The following MAPT variants were observed in gnomAD, a reference collection of about 807,000 sequenced individuals.
The protein encoded by MAPT is microtubule-associated protein tau.
A neutral mutation model predicts 67.9 loss-of-function variants in MAPT; 34 were observed. The observed-to-expected ratio is 0.50, with a 90% CI of 0.38 to 0.67. The LOEUF is 0.67. MAPT is among the 30% of genes least tolerant of loss of function. The probability of loss-of-function intolerance (pLI) is 0.00; values close to 1 mark genes in which losing one functional copy is unlikely to be tolerated. For missense variants in MAPT, 881 were observed against 1,115.2 expected (o/e 0.79, Z 2.99); for synonymous variants, 456 against 464.5 (o/e 0.98, Z 0.23).
rs1490207539 is a variant in MAPT, at chr17:45,995,641, G to A, written c.1733-758G>A. The stretch of plus-strand genomic sequence containing the variant: ...GAAGAGACCCCCCAGCAGCTTCCAG[G>A]GTGTTGGAAGGGTGCGCTAGTAACT... On this transcript the variant is annotated intron_variant, in intron 8 of 12. Transcript: ENST00000262410. The surrounding 1 kb of genome is among the most constrained non-coding windows in gnomAD (Gnocchi z 4.3). Among the ~76,000 whole-genome samples, 1 of 152,168 alleles carries A rather than the reference G, an allele frequency of 6.6e-6. No individual in the cohort carries two copies. Among genetic ancestry groups the A allele is most frequent in the Non-Finnish European group, 1.5e-5 (1 of 68,026 alleles).
intron 1 of MAPT, among the ~76,000 whole-genome samples, chr17:45,948,921 A>G (rs566521993): frequency 6.6e-6 from 1 of 152,298 alleles, no homozygotes; most frequent in African/African-American, 2.4e-5. Context: ...TGTTAAGGTT[A>G]TTTTTGGATT....
chr17:45,955,231 G>A (rs56080482), intron 1 of MAPT, among the ~76,000 whole-genome samples: 21,808 of 152,066 alleles, frequency 0.14, 2,140 homozygotes, highest in Non-Finnish European at 0.22. Context: ...TTTCCCAACC[G>A]TCCAAGCCCA....
At position 45,986,981 on chromosome 17, in the gene MAPT, G is replaced by A. The variant is rs546722180; in HGVS notation, c.1352-59G>A. The A allele has an allele frequency of 1.8e-5, 27 of 1,482,852 alleles. No homozygotes were observed. The South Asian group carries it at 2.9e-4, about 16-fold the overall frequency. The allele number at this position is 1,482,852 out of a possible 1,614,324, so 91.9% of individuals were successfully genotyped here. The stretch of plus-strand genomic sequence containing the variant: ...GAGAAATCCAGCTTCACCACAGCTG[G>A]CTTTCTGTGAACAGTGAAAATGGAG... On this transcript the variant is annotated intron_variant, in intron 5 of 12. Coordinates refer to ENST00000262410, the MANE Select transcript of MAPT (RefSeq NM_001377265.1).
chr17:46,021,316 C>T (rs538986032), intron 12 of MAPT, among the ~76,000 whole-genome samples: 1 of 152,284 alleles, frequency 6.6e-6, no homozygotes, highest in East Asian at 1.9e-4. Context: ...GGAGGCTGTC[C>T]GCCTCAAGAG....
chr17:45,995,696 T>G lies in MAPT; in HGVS notation c.1733-703T>G, dbSNP rs62063849. Among the ~76,000 whole-genome samples the G allele has an allele frequency of 0.15, 22,156 of 152,088 alleles. 2,150 individuals are homozygous for G. The highest frequency in any genetic ancestry group is 0.22 in the Non-Finnish European group (14,745 of 67,956). On this transcript the variant is annotated intron_variant, in intron 8 of 12. Transcript: ENST00000262410. The surrounding 1 kb of genome is among the most constrained non-coding windows in gnomAD (Gnocchi z 4.3). Reference sequence around the variant, plus strand: ...TGCATGGCAGGTGGGGAACTGTACGTCAGGGCACAGCAGCATGAAGCGGTA... The same window carrying G: ...TGCATGGCAGGTGGGGAACTGTACGGCAGGGCACAGCAGCATGAAGCGGTA...
At position 45,902,917 on chromosome 17, in the gene MAPT, C is replaced by T. The variant is rs138255206; in HGVS notation, c.-18+8231C>T. Among the ~76,000 whole-genome samples the T allele has an allele frequency of 4.5e-3, 681 of 152,310 alleles. 4 individuals carry two copies. Among genetic ancestry groups the T allele is most frequent in the South Asian group, 0.014 (69 of 4,834 alleles). On this transcript the variant is annotated intron_variant, in intron 1 of 12. Coordinates refer to ENST00000262410, the MANE Select transcript of MAPT (RefSeq NM_001377265.1). Reference sequence around the variant, plus strand: ...TCAAAGAGAAGAGGGACATAATTATCTCTAGTCCCAGCTGCTGGTTTTCCT... The same window carrying T: ...TCAAAGAGAAGAGGGACATAATTATTTCTAGTCCCAGCTGCTGGTTTTCCT...
intron 4 of MAPT, among the ~76,000 whole-genome samples, chr17:45,982,063 G>A (rs377594348): frequency 6.6e-6 from 1 of 150,552 alleles, no homozygotes; most frequent in East Asian, 1.9e-4. Context: ...AAAAACTCAT[G>A]CCTGTAATCC....
rs1444650997 is a variant in MAPT, at chr17:45,978,437, C to G, written c.283C>G (p.Gln95Glu). 26 of 1,604,824 alleles carry G rather than the reference C, an allele frequency of 1.6e-5. No individual in the cohort carries two copies. Among genetic ancestry groups the G allele is most frequent in the Non-Finnish European group, 2.1e-5 (25 of 1,174,384 alleles). ...AGACGAAGCTGCTGGTCACGTGACC[C>G]AAGGTCAGTGAACTGGAATTGCCTG... ...LEDEAAGHVT[Q>E]EELRVPGRQR... Residue 95 changes from glutamine to glutamate, a missense_variant, in exon 4 of 13, where the codon CAA becomes GAA. Gln to Glu is a conservative substitution (Grantham distance 29). This residue lies in a region of MAPT where 687 missense variants were observed against 766.1 expected (regional missense o/e 0.90). Coordinates refer to ENST00000262410, the MANE Select transcript of MAPT (RefSeq NM_001377265.1).
intron 9 of MAPT, among the ~76,000 whole-genome samples, chr17:45,998,432 A>C (rs1394030631): frequency 6.6e-6 from 1 of 152,190 alleles, no homozygotes; most frequent in Non-Finnish European, 1.5e-5. Context: ...GCTGTGCCCC[A>C]GAGCACCTCC....
chr17:46,014,905 C>T (rs768360806), intron 11 of MAPT, among the ~76,000 whole-genome samples: 2 of 139,610 alleles, frequency 1.4e-5, no homozygotes, highest in African/African-American at 2.5e-5. Flanking sequence ...CACATGTTCT[C>T]GCTTCTTTGT....
intron 1 of MAPT, among the ~76,000 whole-genome samples, chr17:45,938,975 G>A (rs62061726): frequency 0.14 from 21,840 of 151,878 alleles, 2,139 homozygotes; most frequent in Middle Eastern, 0.22. Flanking sequence ...CACCACGCCC[G>A]ACTAATTTTT....
rs1417149898 is a variant in MAPT at position 45,970,496 on chromosome 17, G to C, written c.134-1363G>C. 4.6e-5 allele frequency among the ~76,000 whole-genome samples: 7 copies of C among 152,358 alleles called. No individual in the cohort carries two copies. The East Asian group carries it at 1.3e-3, about 29-fold the overall frequency. On this transcript the variant is annotated intron_variant, in intron 2 of 12. Transcript: ENST00000262410. ...CAGCCCAGGTGGGGCAGAACTGAAG[G>C]GAAGCCCAGGGCTGCCCCCATAAAC...
intron 1 of MAPT, among the ~76,000 whole-genome samples, chr17:45,957,558 G>A (rs1020558200): frequency 6.6e-6 from 1 of 152,154 alleles, no homozygotes; most frequent in African/African-American, 2.4e-5. Context: ...CATGATTGGT[G>A]CCCCAGCCAC....
chr17:45,900,701 A>G (rs2063556419), intron 1 of MAPT, among the ~76,000 whole-genome samples: 1 of 152,180 alleles, frequency 6.6e-6, no homozygotes, highest in South Asian at 2.1e-4. Flanking sequence ...ATGTGGAGGC[A>G]GTTTGGCCTA....
chr17:46,024,524 G>A lies in MAPT; in HGVS notation c.*353G>A, dbSNP rs2076723503. On this transcript the variant is annotated 3_prime_UTR_variant, in exon 13 of 13. Coordinates refer to ENST00000262410, the MANE Select transcript of MAPT (RefSeq NM_001377265.1). ...AGAGGGAGAAGGAGAGGCTCTGAAA[G>A]CTGCTTCTGGGGGATTTCAAGGGAC... 4 of 385,214 alleles carry A rather than the reference G, an allele frequency of 1.0e-5. No homozygotes were observed. The East Asian group carries it at 2.4e-4, about 23-fold the overall frequency. The allele number at this position is 385,214 out of a possible 1,614,324, so 23.9% of individuals were successfully genotyped here.
intron 4 of MAPT, among the ~76,000 whole-genome samples, chr17:45,981,004 G>A (rs1004249985): frequency 2.6e-5 from 4 of 152,192 alleles, no homozygotes; most frequent in Non-Finnish European, 4.4e-5. Flanking sequence ...CACTGTGGTC[G>A]ATGCCAGGAA....
chr17:45,916,756 T>C (rs577997245), intron 1 of MAPT, among the ~76,000 whole-genome samples: 2 of 152,252 alleles, frequency 1.3e-5, no homozygotes, highest in South Asian at 4.1e-4. Flanking sequence ...GGACCACGAG[T>C]TTGGCATTTT....
intron 11 of MAPT, among the ~76,000 whole-genome samples, chr17:46,014,798 C>T (rs1176565590): frequency 2.0e-5 from 3 of 151,092 alleles, no homozygotes; most frequent in Non-Finnish European, 3.0e-5. Context: ...GGCGTGAACC[C>T]GGAAGGCGGA....
intron 1 of MAPT, chr17:45,907,848 TATC>T (rs1412896425): frequency 6.6e-6 from 1 of 152,240 alleles, no homozygotes; most frequent in African/African-American, 2.4e-5. Flanking sequence ...TGGGGATTAT[TATC>T]CTCATTTTGC....
Sources: gnomAD v4.1 joint callset for allele counts (sites outside exome capture counted in the v4.1 genomes callset) on GRCh38, gnomAD v4.1.1 for gene constraint, gnomAD v4.1.1 regional missense constraint, Gnocchi (gnomAD v3.1) non-coding constraint, MANE v1.5 for transcripts, NCBI Gene and HGNC (gene_info 2026-07-23, HGNC 2026-07-21) for gene names.